CACNB4: variants seen among roughly 807,000 people sequenced by gnomAD.
The protein encoded by CACNB4 is voltage-dependent L-type calcium channel subunit beta-4.
Under a neutral mutation model 71.2 loss-of-function variants are expected in CACNB4, and 32 were observed. The observed-to-expected ratio is 0.45, with a 90% CI of 0.34 to 0.60. The LOEUF (loss-of-function observed/expected upper bound fraction) is 0.60, where lower values mean the gene tolerates loss of function less well. CACNB4 is among the 20% of genes least tolerant of loss of function. The probability of loss-of-function intolerance (pLI) is 0.01; values close to 1 mark genes in which losing one functional copy is unlikely to be tolerated. For missense variants in CACNB4, 464 were observed against 647.9 expected (o/e 0.72, Z 3.08); for synonymous variants, 231 against 236.9 (o/e 0.97, Z 0.23).
At chr2:151,921,018 G>C (rs2099858862) in intron 2 of CACNB4, among the ~76,000 whole-genome samples, 1 of 152,034 alleles carries the variant, frequency 6.6e-6, no homozygotes, top group Non-Finnish European at 1.5e-5. Context: ...GTGGGCACCT[G>C]TAGTCCCAGC....
At chr2:151,843,269 G>A (rs1482174621) in intron 12 of CACNB4, among the ~76,000 whole-genome samples, 2 of 152,230 alleles carry the variant, frequency 1.3e-5, no homozygotes, top group Non-Finnish European at 2.9e-5. Context: ...ACCACACAAA[G>A]AGAAAAGTCA....
intron 2 of CACNB4, among the ~76,000 whole-genome samples, chr2:152,001,433 A>G (rs530640476): frequency 2.1e-5 from 3 of 146,220 alleles, no homozygotes; most frequent in African/African-American, 7.5e-5. Flanking sequence ...GCATGCCTGT[A>G]ATCCCAGCAC....
At chr2:152,038,160 T>C (rs1438959950) in intron 2 of CACNB4, among the ~76,000 whole-genome samples, 2 of 152,192 alleles carry the variant, frequency 1.3e-5, no homozygotes, top group Admixed American at 1.3e-4. Flanking sequence ...ATGGCAAAGT[T>C]CCTAAATTCT....
chr2:151,955,775 G>A (rs1018648315), intron 2 of CACNB4, among the ~76,000 whole-genome samples: 1 of 151,992 alleles, frequency 6.6e-6, no homozygotes, highest in Non-Finnish European at 1.5e-5. Context: ...GGTGGTACAC[G>A]CCTGCAGTCT....
chr2:151,939,649 G>C (rs1300846585), intron 2 of CACNB4, among the ~76,000 whole-genome samples: 2 of 152,136 alleles, frequency 1.3e-5, no homozygotes, highest in Admixed American at 1.3e-4. Flanking sequence ...GCTGGAATGA[G>C]CCCACCAAAG....
chr2:152,016,079 A>G (rs1683327658), intron 2 of CACNB4, among the ~76,000 whole-genome samples: 1 of 152,264 alleles, frequency 6.6e-6, no homozygotes, highest in Non-Finnish European at 1.5e-5. Flanking sequence ...CAATTGCTAT[A>G]GTATTAGAAA....
chr2:151,848,734 C>G (rs1578446018), intron 12 of CACNB4, among the ~76,000 whole-genome samples: 1 of 152,110 alleles, frequency 6.6e-6, no homozygotes, highest in Non-Finnish European at 1.5e-5. Context: ...GCTCAAACAG[C>G]CACAGGGTCA....
intron 13 of CACNB4, 105 bp downstream of exon 13, chr2:151,841,798 G>T: frequency 3.2e-6 from 3 of 930,600 alleles, no homozygotes; most frequent in Non-Finnish European, 5.1e-6. Context: ...TGCACATAGT[G>T]TTCCCTCTTC....
chr2:151,927,243 G>A (rs1270541758), intron 2 of CACNB4, among the ~76,000 whole-genome samples: 3 of 152,216 alleles, frequency 2.0e-5, no homozygotes, highest in Non-Finnish European at 4.4e-5. Context: ...GAATGATTCA[G>A]TAGAGAGAGG....
At chr2:152,019,816 C>A (rs1344545151) in intron 2 of CACNB4, among the ~76,000 whole-genome samples, 2 of 152,252 alleles carry the variant, frequency 1.3e-5, no homozygotes, top group East Asian at 1.9e-4. Context: ...TTTTCTCTTT[C>A]TTTTATTAAT....
chr2:152,066,457 C>T (rs1686329366), intron 2 of CACNB4, among the ~76,000 whole-genome samples: 1 of 151,856 alleles, frequency 6.6e-6, no homozygotes, highest in African/African-American at 2.4e-5. Context: ...CCATTTCACA[C>T]CAGTTAGAAT....
At chr2:152,033,552 T>G (rs1684401418) in intron 2 of CACNB4, among the ~76,000 whole-genome samples, 1 of 152,200 alleles carries the variant, frequency 6.6e-6, no homozygotes, top group Non-Finnish European at 1.5e-5. Flanking sequence ...AGATTCACTG[T>G]GATCTGGGTA....
chr2:151,884,494 C>T (rs1340937830), intron 2 of CACNB4, among the ~76,000 whole-genome samples: 6 of 148,490 alleles, frequency 4.0e-5, no homozygotes, highest in South Asian at 4.3e-4. Context: ...ATTAGCCAGG[C>T]GTGGTGGCGG....
intron 2 of CACNB4, among the ~76,000 whole-genome samples, chr2:152,022,614 G>A (rs1208932074): frequency 6.6e-6 from 1 of 152,152 alleles, no homozygotes; most frequent in African/African-American, 2.4e-5. Flanking sequence ...ACGAAAGCAT[G>A]GGCTTTATTT....
intron 2 of CACNB4, among the ~76,000 whole-genome samples, chr2:152,057,598 T>C (rs965758618): frequency 5.9e-5 from 9 of 152,108 alleles, no homozygotes; most frequent in African/African-American, 9.7e-5. Flanking sequence ...GGCCACTAGA[T>C]TGTATTACTC....
intron 2 of CACNB4, among the ~76,000 whole-genome samples, chr2:151,889,459 C>T (rs2151473319): frequency 9.7e-6 from 1 of 103,462 alleles, no homozygotes; most frequent in East Asian, 3.0e-4. Context: ...GAGTGAGACT[C>T]TGTCTCAAAA....
Position 151,880,993 on chromosome 2 carries a change from G to A in CACNB4, c.268-71C>T, listed in dbSNP as rs927648711. ...GGAGCATTTTTCATATTGAAACTCT[G>A]ATAGTACCAGGTAGTGAGAAATAAC... On this transcript the variant is annotated intron_variant, in intron 3 of 13. Coordinates refer to ENST00000539935, the MANE Select transcript of CACNB4 (RefSeq NM_000726.5). 21 of 1,427,304 alleles carry A rather than the reference G, an allele frequency of 1.5e-5. No homozygotes were observed. The Admixed American group carries it at 2.9e-4, about 20-fold the overall frequency. 88.4% of individuals were successfully genotyped at this position (1,427,304 alleles called of 1,614,324 possible).
intron 2 of CACNB4, among the ~76,000 whole-genome samples, chr2:151,954,516 A>G (rs1416086863): frequency 1.3e-5 from 2 of 152,180 alleles, no homozygotes; most frequent in Non-Finnish European, 2.9e-5. Context: ...GATTTCCTGA[A>G]ATTTGTTGTT....
intron 12 of CACNB4, among the ~76,000 whole-genome samples, chr2:151,846,066 TA>T (rs1167446034): frequency 1.3e-5 from 2 of 151,920 alleles, no homozygotes; most frequent in Non-Finnish European, 2.9e-5. Flanking sequence ...GCAAGGTCTT[TA>T]AAAAAAAGTA....
Sources: gnomAD v4.1 joint callset for allele counts (sites outside exome capture counted in the v4.1 genomes callset) on GRCh38, gnomAD v4.1.1 for gene constraint, MANE v1.5 for transcripts, NCBI Gene and HGNC (gene_info 2026-07-23, HGNC 2026-07-21) for gene names.